The following FBXO31 variants were observed in gnomAD, a reference collection of about 807,000 sequenced individuals.
The protein encoded by FBXO31 is F-box protein 31.
In FBXO31, 24 loss-of-function variants were observed where a neutral mutation model predicts 54.4. The observed-to-expected ratio is 0.44, with a 90% CI of 0.32 to 0.62. FBXO31 has a LOEUF of 0.62. Ranked by LOEUF, FBXO31 falls within the 20% of genes least tolerant of loss-of-function variation. The pLI is 0.05. For missense variants in FBXO31, 665 were observed against 787.1 expected, an observed-to-expected ratio of 0.84 and a Z score of 1.86; for synonymous variants, 388 against 335.6, an observed-to-expected ratio of 1.16 and a Z score of -1.71.
chr16:87,365,644 C>T (rs1292870804), intron 1 of FBXO31, among the ~76,000 whole-genome samples: 1 of 152,216 alleles, frequency 6.6e-6, no homozygotes, highest in African/African-American at 2.4e-5. Flanking sequence ...TCAGCGCTGC[C>T]ATGGTAACAT....
In FBXO31 at chr16:87,335,537, C is replaced by A; in HGVS notation, c.843-80G>T. 24 of 524,028 alleles carry A rather than the reference C, an allele frequency of 4.6e-5. No individual in the cohort carries two copies. The highest frequency in any genetic ancestry group is 6.8e-5 in the Non-Finnish European group (20 of 295,276). The allele number at this position is 524,028 out of a possible 1,614,324, so 32.5% of individuals were successfully genotyped here. A position where few individuals can be genotyped will look rare whatever the true frequency, so the allele number is the denominator to read the frequency against. ...GAACGCCCAAGGTGCCAGGGATGAG[C>A]TTTGCAGGGCGGGGTAGGGCGGGCA... On this transcript the variant is annotated intron_variant, in intron 6 of 8. Transcript: ENST00000311635. This position sits in a 1 kb window ranked among gnomAD's most constrained non-coding sequence, Gnocchi z 5.7.
chr16:87,343,896 A>C (rs908151177), intron 3 of FBXO31, 131 bp from the exon 4 acceptor site: 1 of 916,276 alleles, frequency 1.1e-6, no homozygotes, highest in Non-Finnish European at 1.7e-6. Context: ...CTGCACGCCC[A>C]CCCTCGAGGT....
Position 87,358,653 on chromosome 16 carries a change from A to G in FBXO31, c.412+1642T>C, listed in dbSNP as rs1196354720. ...GGACACAGAGAGGTGGCTCTGAGAA[A>G]CCTGCTGGAGAGAACAACACTGTGA... On this transcript the variant is annotated intron_variant, in intron 2 of 8. Transcript: ENST00000311635. This position sits in a 1 kb window ranked among gnomAD's most constrained non-coding sequence, Gnocchi z 4.0. Among the ~76,000 whole-genome samples, 1 of 152,134 alleles carries G rather than the reference A, an allele frequency of 6.6e-6. No homozygotes were observed. Among genetic ancestry groups the G allele is most frequent in the Non-Finnish European group, 1.5e-5 (1 of 68,020 alleles).
chr16:87,343,521 T>C, intron 4 of FBXO31, 77 bp downstream of exon 4: 2 of 1,506,588 alleles, frequency 1.3e-6, no homozygotes, highest in South Asian at 1.3e-5. Flanking sequence ...CAGCTGAGAA[T>C]AGCACGGCAG....
chr16:87,357,008 G>A (rs1230580285), intron 2 of FBXO31, among the ~76,000 whole-genome samples: 1 of 152,128 alleles, frequency 6.6e-6, no homozygotes, highest in African/African-American at 2.4e-5. Flanking sequence ...CACTTTGAGA[G>A]GCCAAGGTGG....
chr16:87,391,029 T>A (rs2059259), upstream of FBXO31, among the ~76,000 whole-genome samples: 2 of 152,170 alleles, frequency 1.3e-5, no homozygotes, highest in Admixed American at 1.3e-4. Flanking sequence ...TATGGGGCTC[T>A]TTCAAAGTAT....
intron 2 of FBXO31, among the ~76,000 whole-genome samples, chr16:87,349,884 G>T (rs1470289051): frequency 6.7e-6 from 1 of 150,152 alleles, no homozygotes. Flanking sequence ...ACTCCAGCCT[G>T]TGCAACAGAG....
Position 87,331,200 on chromosome 16 carries a change from G to T in FBXO31, c.*88C>A, listed in dbSNP as rs572787023. ...GGTGTGCGTTCTGGTCAAAAGGCCGGATTTCCAAAGTGCATGCTGCTTCTA... is the reference window on the plus strand; with the variant it reads ...GGTGTGCGTTCTGGTCAAAAGGCCGTATTTCCAAAGTGCATGCTGCTTCTA... On this transcript the variant is annotated 3_prime_UTR_variant, in exon 9 of 9. Transcript: ENST00000311635. 6 of 1,386,964 alleles carry T rather than the reference G, an allele frequency of 4.3e-6. No homozygotes were observed. The highest frequency in any genetic ancestry group is 2.6e-5 in the South Asian group (2 of 78,020). The allele number at this position is 1,386,964 out of a possible 1,614,324, so 85.9% of individuals were successfully genotyped here. A position where few individuals can be genotyped will look rare whatever the true frequency, so the allele number is the denominator to read the frequency against.
chr16:87,341,905 A>C (rs1036057141), intron 5 of FBXO31, among the ~76,000 whole-genome samples: 6 of 151,836 alleles, frequency 4.0e-5, no homozygotes, highest in Non-Finnish European at 8.8e-5. Flanking sequence ...ACCACAACTC[A>C]AACTAGCTAA....
chr16:87,333,849 T>A lies in FBXO31; in HGVS notation c.1397+37A>T, dbSNP rs752883351. The A allele has an allele frequency of 7.1e-6, 11 of 1,554,308 alleles. 1 individual carries two copies. The highest frequency in any genetic ancestry group is 3.7e-5 in the South Asian group (3 of 82,178). On this transcript the variant is annotated intron_variant, in intron 8 of 8. Transcript: ENST00000311635. ...GGGGCCCTCGCTGAAGCCCATGCTG[T>A]CCCACCTTCAGGCCCCAGTACCCGC...
chr16:87,347,119 G>GT (rs1905422715), intron 3 of FBXO31, 55 bp downstream of exon 3: 1 of 1,498,618 alleles, frequency 6.7e-7, no homozygotes, highest in Non-Finnish European at 9.3e-7. Context: ...ATTCCTCCAC[G>GT]TAAGGCACCA....
chr16:87,372,923 C>T (rs1260425954), intron 1 of FBXO31, among the ~76,000 whole-genome samples: 2 of 151,556 alleles, frequency 1.3e-5, no homozygotes, highest in Non-Finnish European at 2.9e-5. Context: ...TCTGTAGAGA[C>T]GGGGTTTCAC....
intron 8 of FBXO31, among the ~76,000 whole-genome samples, chr16:87,332,068 TAAATTCTTCC>T (rs1904878771): frequency 6.6e-6 from 1 of 152,184 alleles, no homozygotes; most frequent in Non-Finnish European, 1.5e-5. Flanking sequence ...TGCAAGCAGC[TAAATTCTTCC>T]AACAGATGAC....
upstream of FBXO31, among the ~76,000 whole-genome samples, chr16:87,391,402 C>T (rs111626199): frequency 8.4e-3 from 1,286 of 152,338 alleles, 14 homozygotes; most frequent in Non-Finnish European, 0.014. Context: ...TGGTGGTTTA[C>T]GCACTGCAGC....
intron 2 of FBXO31, among the ~76,000 whole-genome samples, chr16:87,350,446 A>T (rs1175397028): frequency 6.6e-6 from 1 of 152,164 alleles, no homozygotes; most frequent in East Asian, 1.9e-4. Flanking sequence ...CATTTACAGG[A>T]CACAGTCAAG....
Position 87,346,811 on chromosome 16 carries a change from G to C in FBXO31, c.489+363C>G, listed in dbSNP as rs1225280815. Among the ~76,000 whole-genome samples, 5 of 152,162 alleles carry C rather than the reference G, an allele frequency of 3.3e-5. No homozygotes were observed. Among genetic ancestry groups the C allele is most frequent in the Non-Finnish European group, 7.3e-5 (5 of 68,040 alleles). ...GAAACAGACGTCAGAGTGCACCATG[G>C]CTGGAACATGGGGGGCAAAGACCAG... On this transcript the variant is annotated intron_variant, in intron 3 of 8. Coordinates refer to ENST00000311635, the MANE Select transcript of FBXO31 (RefSeq NM_024735.5). This position sits in a 1 kb window ranked among gnomAD's most constrained non-coding sequence, Gnocchi z 4.2.
At chr16:87,392,062 G>A (rs989294416), upstream of FBXO31, 5 of 210,636 alleles carry the variant, frequency 2.4e-5, no homozygotes, top group Admixed American at 1.8e-4. Flanking sequence ...CCCGGGGTGC[G>A]GCCCAGCCCA....
intron 1 of FBXO31, chr16:87,367,663 C>T (rs1367109048): frequency 2.0e-5 from 3 of 152,246 alleles, no homozygotes; most frequent in Non-Finnish European, 4.4e-5. Flanking sequence ...CATGACACCT[C>T]ACTGACAAAG....
At chr16:87,377,564 G>A (rs531649040) in intron 1 of FBXO31, among the ~76,000 whole-genome samples, 30 of 152,260 alleles carry the variant, frequency 2.0e-4, no homozygotes, top group African/African-American at 5.5e-4. Context: ...AGCAGCTCAC[G>A]CCTGTAATCC....
Sources: gnomAD v4.1 joint callset for allele counts (sites outside exome capture counted in the v4.1 genomes callset) on GRCh38, gnomAD v4.1.1 for gene constraint, Gnocchi (gnomAD v3.1) non-coding constraint, MANE v1.5 for transcripts, NCBI Gene and HGNC (gene_info 2026-07-23, HGNC 2026-07-21) for gene names.